Variants in PDE11A observed in about 807,000 individuals in gnomAD.
PDE11A encodes the protein phosphodiesterase 11A.
PDE11A carries 100 observed loss-of-function variants against 100.5 expected under a neutral mutation model. The ratio of observed to expected loss-of-function variants is 1.00; its 90% CI spans 0.85 to 1.18. The LOEUF is 1.18. Among genes scored for constraint, PDE11A ranks in the 50% most tolerant of loss-of-function variants. The pLI is 0.00. For synonymous variants in PDE11A, 381 were observed against 420.8 expected (o/e 0.91, Z 1.16); for missense variants, 1,141 against 1,152.6 (o/e 0.99, Z 0.15).
At chr2:177,719,396 A>C (rs2081491800) in intron 12 of PDE11A, among the ~76,000 whole-genome samples, 1 of 152,118 alleles carries the variant, frequency 6.6e-6, no homozygotes, top group Admixed American at 6.6e-5. Flanking sequence ...TCCACCATGG[A>C]TTCTGATGTC....
intron 2 of PDE11A, among the ~76,000 whole-genome samples, chr2:178,078,240 T>C (rs2105877190): frequency 6.6e-6 from 1 of 152,242 alleles, no homozygotes; most frequent in South Asian, 2.1e-4. Context: ...ACACATATTA[T>C]GTTTCCTGCT....
intron 5 of PDE11A, among the ~76,000 whole-genome samples, chr2:177,870,517 G>C (rs140442419): frequency 3.9e-5 from 6 of 152,318 alleles, no homozygotes; most frequent in African/African-American, 1.4e-4. Context: ...ATACCATTCT[G>C]ACTTTCAACA....
chr2:178,083,822 AT>A (rs2087316122), intron 2 of PDE11A, among the ~76,000 whole-genome samples: 3 of 152,186 alleles, frequency 2.0e-5, no homozygotes, highest in African/African-American at 7.2e-5. Context: ...ATCTGACAAA[AT>A]TTTTTAGTGA....
chr2:177,665,522 TA>T (rs2080561306), intron 18 of PDE11A, among the ~76,000 whole-genome samples: 1 of 147,574 alleles, frequency 6.8e-6, no homozygotes, highest in African/African-American at 2.5e-5. Context: ...TAAAATAAAA[TA>T]AAAATAAAGA....
intron 15 of PDE11A, among the ~76,000 whole-genome samples, chr2:177,685,000 A>G (rs968963976): frequency 2.0e-5 from 3 of 152,162 alleles, no homozygotes; most frequent in African/African-American, 7.2e-5. Context: ...TCCTTGTCAT[A>G]TGTTCCTGGG....
At chr2:177,720,387 G>C (rs1470166778) in intron 12 of PDE11A, among the ~76,000 whole-genome samples, 3 of 152,146 alleles carry the variant, frequency 2.0e-5, no homozygotes, top group Non-Finnish European at 4.4e-5. Context: ...AGTGTGTGAT[G>C]AAAGCATAAG....
chr2:177,848,736 C>A (rs930633015), intron 5 of PDE11A, among the ~76,000 whole-genome samples: 3 of 152,088 alleles, frequency 2.0e-5, no homozygotes, highest in African/African-American at 7.2e-5. Context: ...TCAGGGCTGA[C>A]AAGTTGCAGA....
At chr2:177,682,258 C>G (rs75667657) in intron 15 of PDE11A, among the ~76,000 whole-genome samples, 1 of 152,102 alleles carries the variant, frequency 6.6e-6, no homozygotes, top group Non-Finnish European at 1.5e-5. Flanking sequence ...TCAAGATGTT[C>G]CGCCTTTCCT....
At chr2:177,811,771 T>C (rs888807703) in intron 9 of PDE11A, among the ~76,000 whole-genome samples, 1 of 152,216 alleles carries the variant, frequency 6.6e-6, no homozygotes, top group South Asian at 2.1e-4. Flanking sequence ...TGCAGATACA[T>C]GTATAGTAAC....
intron 2 of PDE11A, among the ~76,000 whole-genome samples, chr2:178,081,823 C>T (rs1041912628): frequency 3.3e-5 from 5 of 152,206 alleles, no homozygotes; most frequent in Admixed American, 1.3e-4. Flanking sequence ...GTTATCATTT[C>T]CACACTTACT....
At chr2:177,753,564 A>G (rs1184014452) in intron 10 of PDE11A, among the ~76,000 whole-genome samples, 1 of 151,602 alleles carries the variant, frequency 6.6e-6, no homozygotes, top group Non-Finnish European at 1.5e-5. Flanking sequence ...AGTCAAGCAG[A>G]ATGACGAACT....
chr2:177,984,786 G>A (rs1453474148), intron 2 of PDE11A, among the ~76,000 whole-genome samples: 1 of 152,196 alleles, frequency 6.6e-6, no homozygotes, highest in Non-Finnish European at 1.5e-5. Flanking sequence ...AATTTGCCAA[G>A]TACTACTACA....
intron 5 of PDE11A, among the ~76,000 whole-genome samples, chr2:177,867,481 G>A (rs559355492): frequency 1.3e-5 from 2 of 152,250 alleles, no homozygotes; most frequent in South Asian, 4.2e-4. Context: ...TGTAATTCCA[G>A]CACTTTGGGA....
At chr2:177,974,339 A>G (rs1327828599) in intron 2 of PDE11A, among the ~76,000 whole-genome samples, 2 of 37,608 alleles carry the variant, frequency 5.3e-5, no homozygotes, top group East Asian at 6.7e-4. Context: ...GGGTATCAGC[A>G]ATGGAAGATG....
chr2:177,902,790 A>G (rs1036570023), intron 3 of PDE11A, among the ~76,000 whole-genome samples: 3 of 152,118 alleles, frequency 2.0e-5, no homozygotes, highest in Non-Finnish European at 4.4e-5. Context: ...CTCATTTCCC[A>G]TATCAGCAAG....
chr2:177,895,496 G>A (rs1232918447), intron 4 of PDE11A, among the ~76,000 whole-genome samples: 1 of 151,676 alleles, frequency 6.6e-6, no homozygotes, highest in Non-Finnish European at 1.5e-5. Flanking sequence ...GGAGGTTTCA[G>A]TGAGCTGAGA....
rs1215336130 is a variant in PDE11A at position 177,737,428 on chromosome 2, CACAT to C, written c.1789-9260_1789-9257del. On this transcript the variant is annotated intron_variant, in intron 10 of 19. Transcript: ENST00000286063. ...CCCGTCTCTACTAAAAATACACACA[CACAT>C]ACACACACACACACACAAATTAGCC... Among the ~76,000 whole-genome samples, 10 of 143,432 alleles carry C rather than the reference CACAT, an allele frequency of 7.0e-5. 1 individual carries two copies. Among genetic ancestry groups the C allele is most frequent in the Admixed American group, 2.8e-4 (4 of 14,084 alleles). The allele number at this position is 143,432 out of a possible 152,430, so 94.1% of individuals were successfully genotyped here.
intron 6 of PDE11A, among the ~76,000 whole-genome samples, chr2:177,822,031 T>A (rs2083149138): frequency 6.6e-6 from 1 of 151,916 alleles, no homozygotes; most frequent in Non-Finnish European, 1.5e-5. Context: ...TTTTTCTTAT[T>A]CCATGGCTTG....
At chr2:178,096,006 G>A (rs1005315847) in intron 2 of PDE11A, among the ~76,000 whole-genome samples, 2 of 152,132 alleles carry the variant, frequency 1.3e-5, no homozygotes, top group African/African-American at 4.8e-5. Flanking sequence ...TCTCAGGCCT[G>A]CAATTGGAGG....
Sources: allele counts gnomAD v4.1 joint callset (sites outside exome capture counted in the v4.1 genomes callset), GRCh38; gene constraint gnomAD v4.1.1; transcripts MANE v1.5; gene names NCBI Gene and HGNC (gene_info 2026-07-23, HGNC 2026-07-21).